Variants in SARNP observed in about 807,000 individuals in gnomAD.
SARNP encodes the protein SAP domain-containing ribonucleoprotein.
Under a neutral mutation model 38.1 loss-of-function variants are expected in SARNP, and 5 were observed. The observed-to-expected ratio is 0.13, with a 90% CI of 0.07 to 0.28. The LOEUF (loss-of-function observed/expected upper bound fraction) is 0.28. Ranked by LOEUF, SARNP falls within the 10% of genes least tolerant of loss-of-function variation. The pLI is 1.00. For missense variants in SARNP, 180 were observed against 243.9 expected, an observed-to-expected ratio of 0.74 and a Z score of 1.75; for synonymous variants, 84 against 80.6, an observed-to-expected ratio of 1.04 and a Z score of -0.23.
At chr12:55,753,782 AAAAAAAAAAAAAAGG>A (rs1878414217), downstream of SARNP, 1 of 150,820 alleles carries the variant, frequency 6.6e-6, no homozygotes, top group Admixed American at 6.6e-5. Flanking sequence ...AAAAAAAAAA[AAAAAAAAAAAAAAGG>A]AAAGCAGGAC....
chr12:55,794,754 T>A, intron 6 of SARNP, 53 bp downstream of exon 6: 1 of 1,033,940 alleles, frequency 9.7e-7, no homozygotes, highest in Non-Finnish European at 1.5e-6. Flanking sequence ...GGATCACACA[T>A]CTTCATCTTT....
chr12:55,761,082 C>T (rs964826192), intron 9 of SARNP, among the ~76,000 whole-genome samples: 2 of 151,846 alleles, frequency 1.3e-5, no homozygotes, highest in African/African-American at 4.8e-5. Context: ...GAGGCTGAGG[C>T]AGAGAACTGC....
At chr12:55,763,047 T>C (rs1878722617) in intron 9 of SARNP, among the ~76,000 whole-genome samples, 1 of 152,216 alleles carries the variant, frequency 6.6e-6, no homozygotes, top group Non-Finnish European at 1.5e-5. Flanking sequence ...TTAATCACAG[T>C]TTATTACTAG....
intron 1 of SARNP, among the ~76,000 whole-genome samples, chr12:55,805,464 C>A (rs188482109): frequency 6.6e-6 from 1 of 152,314 alleles, no homozygotes; most frequent in Non-Finnish European, 1.5e-5. Context: ...GTTATCCCAG[C>A]ACTCTGGGAG....
chr12:55,785,444 A>G (rs542557922), intron 9 of SARNP, among the ~76,000 whole-genome samples: 1 of 152,306 alleles, frequency 6.6e-6, no homozygotes, highest in East Asian at 1.9e-4. Context: ...TTGAGGGTCA[A>G]AGTATCACTG....
At chr12:55,812,055 G>C (rs992855752) in intron 1 of SARNP, among the ~76,000 whole-genome samples, 1 of 152,082 alleles carries the variant, frequency 6.6e-6, no homozygotes, top group Non-Finnish European at 1.5e-5. Context: ...CATTGGTTTC[G>C]TATCTCACTA....
chr12:55,809,283 G>GA (rs1022795724), intron 1 of SARNP, among the ~76,000 whole-genome samples: 13 of 144,320 alleles, frequency 9.0e-5, no homozygotes, highest in Admixed American at 3.5e-4. Flanking sequence ...TAAGGCTATT[G>GA]AAAAAAAAAA....
chr12:55,789,132 A>C lies in SARNP; in HGVS notation c.444T>G (p.Asp148Glu). The change falls in exon 9 of 11, where the codon GAT becomes GAG. Residue 148 changes from aspartate to glutamate, a missense_variant. Around this residue, in one of 2 missense-constraint regions of SARNP, gnomAD observed 161 missense variants for 194.1 expected, o/e 0.83. Transcript: ENST00000336133. ...SSDNKPMVNL[D>E]KLKERAQRFG... ...ATCTTTGAGCTCTTTCCTTCAGCTT[A>C]TCCAAGTTAACCTATAAAAACATAG... The C allele has an allele frequency of 1.3e-6, 2 of 1,598,280 alleles. No homozygotes were observed. The highest frequency in any genetic ancestry group is 8.5e-7 in the Non-Finnish European group (1 of 1,174,434).
At chr12:55,811,204 G>A (rs1592584407) in intron 1 of SARNP, among the ~76,000 whole-genome samples, 2 of 152,128 alleles carry the variant, frequency 1.3e-5, no homozygotes, top group South Asian at 4.1e-4. Context: ...ATCCTTACAA[G>A]GAACCTAAGT....
chr12:55,801,269 C>T (rs1030428157), intron 2 of SARNP, among the ~76,000 whole-genome samples: 9 of 152,186 alleles, frequency 5.9e-5, no homozygotes, highest in South Asian at 2.1e-4. Context: ...AGCGAAACCC[C>T]GTCTTTACAA....
intron 1 of SARNP, among the ~76,000 whole-genome samples, chr12:55,806,275 ATTTT>A (rs1156430335): frequency 2.1e-5 from 3 of 142,792 alleles, no homozygotes; most frequent in Non-Finnish European, 4.7e-5. Context: ...ATTAAAAAAA[ATTTT>A]TTTTTTTTTT....
chr12:55,772,468 C>A (rs992119383), intron 9 of SARNP, among the ~76,000 whole-genome samples: 3 of 152,176 alleles, frequency 2.0e-5, no homozygotes, highest in African/African-American at 7.2e-5. Flanking sequence ...AAATCAAGCT[C>A]TTTCCCCAAC....
rs143656571 is a variant in SARNP at position 55,794,873 on chromosome 12, T to C, written c.311A>G (p.Gln104Arg). Residue 104 changes from glutamine (Q) to arginine (R), a missense_variant, in exon 6 of 11, where the codon CAG (glutamine) becomes CGG (arginine). Physicochemically the swap from Gln to Arg is conservative, Grantham distance 43 (BLOSUM62 1). Transcript: ENST00000336133. Reference sequence around the variant, plus strand: ...TACATTGAATCGTTCAGCCCTCTTCTGCATTCTCTAAGTAAAAATAGACAA... The same window carrying C: ...TACATTGAATCGTTCAGCCCTCTTCCGCATTCTCTAAGTAAAAATAGACAA... ...TSEIPQTERM[Q>R]KRAERFNVPV... 1.9e-6 allele frequency: 3 copies of C among 1,603,452 alleles called. No individual in the cohort carries two copies. Among genetic ancestry groups the C allele is most frequent in the Non-Finnish European group, 2.6e-6 (3 of 1,173,254 alleles).
chr12:55,761,456 T>C (rs1350913984), intron 9 of SARNP: 1 of 152,212 alleles, frequency 6.6e-6, no homozygotes, highest in Non-Finnish European at 1.5e-5. Flanking sequence ...CTCTGAATAG[T>C]TTGAAATGAT....
chr12:55,792,126 T>C (rs1407303095), intron 7 of SARNP, among the ~76,000 whole-genome samples: 1 of 152,084 alleles, frequency 6.6e-6, no homozygotes, highest in Non-Finnish European at 1.5e-5. Context: ...TTCTATAATT[T>C]CTGTTGTATC....
At chr12:55,787,441 G>GT (rs1177387122) in intron 9 of SARNP, among the ~76,000 whole-genome samples, 1 of 151,978 alleles carries the variant, frequency 6.6e-6, no homozygotes, top group Non-Finnish European at 1.5e-5. Context: ...AAATACTGAT[G>GT]TTTTTCTTTT....
At chr12:55,790,893 T>C (rs760417833) in intron 7 of SARNP, among the ~76,000 whole-genome samples, 7 of 152,220 alleles carry the variant, frequency 4.6e-5, no homozygotes, top group Non-Finnish European at 8.8e-5. Flanking sequence ...CAAAAATTTG[T>C]ACATAAATGT....
At chr12:55,807,052 A>G (rs1171016103) in intron 1 of SARNP, among the ~76,000 whole-genome samples, 3 of 152,166 alleles carry the variant, frequency 2.0e-5, no homozygotes, top group Non-Finnish European at 4.4e-5. Flanking sequence ...CCGAACCTCC[A>G]GCTGGGACTA....
intron 9 of SARNP, among the ~76,000 whole-genome samples, chr12:55,769,373 C>T (rs752275620): frequency 2.0e-4 from 30 of 152,158 alleles, no homozygotes; most frequent in Admixed American, 4.6e-4. Flanking sequence ...CTTAACTTCA[C>T]GAGGCTTATG....
Sources: allele counts gnomAD v4.1 joint callset (sites outside exome capture counted in the v4.1 genomes callset), GRCh38; gene constraint gnomAD v4.1.1; regional missense constraint gnomAD v4.1.1; transcripts MANE v1.5; gene names NCBI Gene and HGNC (gene_info 2026-07-23, HGNC 2026-07-21).